LNPEP: variants seen among roughly 807,000 people sequenced by gnomAD.
The protein encoded by LNPEP is leucyl-cystinyl aminopeptidase.
In LNPEP, 64 loss-of-function variants were observed where a neutral mutation model predicts 120.6. The ratio of observed to expected loss-of-function variants is 0.53; its 90% CI spans 0.43 to 0.65. LNPEP has a LOEUF of 0.65. Ranked by LOEUF, LNPEP falls within the 30% of genes least tolerant of loss-of-function variation. The pLI is 0.00. For missense variants in LNPEP, 1,057 were observed against 1,200.0 expected (o/e 0.88, Z 1.76); for synonymous variants, 435 against 425.4 (o/e 1.02, Z -0.28).
intron 1 of LNPEP, among the ~76,000 whole-genome samples, chr5:96,975,849 T>C (rs1383533733): frequency 6.6e-6 from 1 of 152,130 alleles, no homozygotes; most frequent in Non-Finnish European, 1.5e-5. Context: ...ACAAACAACA[T>C]TGAGGAATGC....
chr5:97,017,291 C>T (rs1208763128), intron 13 of LNPEP, among the ~76,000 whole-genome samples: 1 of 151,438 alleles, frequency 6.6e-6, no homozygotes, highest in East Asian at 1.9e-4. Flanking sequence ...TGTAAAATGC[C>T]CATCTTTTGC....
chr5:97,027,042 A>G (rs1235240054), intron 16 of LNPEP, among the ~76,000 whole-genome samples: 1 of 152,152 alleles, frequency 6.6e-6, no homozygotes, highest in Non-Finnish European at 1.5e-5. Flanking sequence ...GCAACCATTT[A>G]GCTATGCATA....
chr5:97,019,955 ATCG>A (rs1274058080), intron 13 of LNPEP, among the ~76,000 whole-genome samples: 1 of 152,198 alleles, frequency 6.6e-6, no homozygotes, highest in Non-Finnish European at 1.5e-5. Context: ...CGTTCCTTGC[ATCG>A]TCAGCGTAGC....
intron 1 of LNPEP, among the ~76,000 whole-genome samples, chr5:96,947,116 TG>T (rs1789202742): frequency 6.6e-6 from 1 of 152,228 alleles, no homozygotes; most frequent in Admixed American, 6.5e-5. Context: ...TTTGCAGCTA[TG>T]CAGATTTGCT....
intron 4 of LNPEP, 47 bp downstream of exon 4, chr5:96,986,717 C>T (rs1284037897): frequency 1.3e-6 from 2 of 1,569,124 alleles, no homozygotes; most frequent in African/African-American, 1.4e-5. Flanking sequence ...ACAAGAGGCT[C>T]AGAGGACCTC....
chr5:96,942,136 T>C (rs946494451), intron 1 of LNPEP, among the ~76,000 whole-genome samples: 1 of 152,160 alleles, frequency 6.6e-6, no homozygotes, highest in African/African-American at 2.4e-5. Context: ...TACTGTCTTT[T>C]TTATAGTCAG....
At chr5:96,952,252 C>T (rs1789341620) in intron 1 of LNPEP, among the ~76,000 whole-genome samples, 1 of 152,076 alleles carries the variant, frequency 6.6e-6, no homozygotes, top group Admixed American at 6.6e-5. Flanking sequence ...ACTGGATTTT[C>T]AGATTTGCTT....
At chr5:97,018,249 C>T (rs1400915650) in intron 13 of LNPEP, among the ~76,000 whole-genome samples, 2 of 152,020 alleles carry the variant, frequency 1.3e-5, no homozygotes, top group African/African-American at 4.8e-5. Context: ...CAGAATATCT[C>T]CCGACTCTGA....
chr5:96,967,321 T>C (rs562278532), intron 1 of LNPEP, among the ~76,000 whole-genome samples: 3 of 152,156 alleles, frequency 2.0e-5, no homozygotes, highest in Non-Finnish European at 4.4e-5. Flanking sequence ...TATTTTTTTT[T>C]TTTGGTAGAA....
intron 1 of LNPEP, among the ~76,000 whole-genome samples, chr5:96,949,926 C>G (rs1283280177): frequency 1.3e-5 from 2 of 152,176 alleles, no homozygotes; most frequent in Non-Finnish European, 2.9e-5. Context: ...CTCCTTCCCT[C>G]CCTCCCTCCT....
chr5:97,003,717 AT>A (rs1218586516), intron 9 of LNPEP, among the ~76,000 whole-genome samples, 171 bp downstream of exon 9: 7 of 151,926 alleles, frequency 4.6e-5, no homozygotes, highest in Middle Eastern at 3.4e-3. Context: ...ACTAAATTTT[AT>A]GTCAAGAAAT....
At chr5:96,942,779 C>G (rs935802611) in intron 1 of LNPEP, 1 of 151,686 alleles carries the variant, frequency 6.6e-6, no homozygotes, top group Non-Finnish European at 1.5e-5. Flanking sequence ...GTGTAAATGA[C>G]GACTTAATTG....
Position 96,954,598 on chromosome 5 carries a change from G to GTCTC in LNPEP, c.19+18442_19+18445dup, listed in dbSNP as rs66769873. 2.5e-3 allele frequency among the ~76,000 whole-genome samples: 261 copies of GTCTC among 106,390 alleles called. 31 individuals are homozygous for GTCTC. The highest frequency in any genetic ancestry group is 0.017 in the Middle Eastern group (4 of 234). The allele number at this position is 106,390 out of a possible 152,430, so 69.8% of individuals were successfully genotyped here. Reference sequence around the variant, plus strand: ...TTCCTCATTCTTCTCATTCTTGCAAGTCTCTCTCTCTCTCTCTCTCTATAT... The same window carrying GTCTC: ...TTCCTCATTCTTCTCATTCTTGCAAGTCTCTCTCTCTCTCTCTCTCTCTCTATAT... On this transcript the variant is annotated intron_variant, in intron 1 of 17. Transcript: ENST00000231368.
intron 14 of LNPEP, 94 bp downstream of exon 14, chr5:97,022,578 G>A: frequency 2.0e-6 from 2 of 1,016,996 alleles, no homozygotes; most frequent in South Asian, 2.9e-5. Context: ...GATCATAAAT[G>A]TTATAAAACT....
chr5:96,959,421 T>C (rs1561431979), intron 1 of LNPEP, among the ~76,000 whole-genome samples: 1 of 152,208 alleles, frequency 6.6e-6, no homozygotes, highest in Non-Finnish European at 1.5e-5. Flanking sequence ...TATTTTGTTG[T>C]AGTCTTTTGT....
intron 1 of LNPEP, among the ~76,000 whole-genome samples, chr5:96,961,957 A>T (rs1467674364): frequency 6.6e-6 from 1 of 152,230 alleles, no homozygotes; most frequent in Non-Finnish European, 1.5e-5. Context: ...GTAGTAATAC[A>T]GTAAATTTAG....
intron 14 of LNPEP, among the ~76,000 whole-genome samples, chr5:97,024,044 TGAA>T (rs1385066240): frequency 6.6e-6 from 1 of 152,186 alleles, no homozygotes; most frequent in African/African-American, 2.4e-5. Context: ...AAGCATCAGA[TGAA>T]GAGTTGGGGT....
rs1403304674 is a variant in LNPEP, at chr5:97,034,090, G to A, written c.*5557G>A. The A allele has an allele frequency of 6.6e-6, 1 of 152,146 alleles. No homozygotes were observed. Among genetic ancestry groups the A allele is most frequent in the Non-Finnish European group, 1.5e-5 (1 of 68,024 alleles). 9.4% of individuals were successfully genotyped at this position (152,146 alleles called of 1,614,324 possible). On this transcript the variant is annotated 3_prime_UTR_variant, in exon 18 of 18. Coordinates refer to ENST00000231368, the MANE Select transcript of LNPEP (RefSeq NM_005575.3). ...CCTAATGAAACGTGGAGGTCCGGAT[G>A]TATGAAAATCTCCTCTTTTCCCCTT...
At chr5:96,992,929 G>A in intron 4 of LNPEP, 86 bp from the exon 5 acceptor site, 1 of 926,192 alleles carries the variant, frequency 1.1e-6, no homozygotes, top group Non-Finnish European at 1.6e-6. Flanking sequence ...AGAATTTTCA[G>A]ATATGCTAGT....
Sources: gnomAD v4.1 joint callset for allele counts (sites outside exome capture counted in the v4.1 genomes callset) on GRCh38, gnomAD v4.1.1 for gene constraint, MANE v1.5 for transcripts, NCBI Gene and HGNC (gene_info 2026-07-23, HGNC 2026-07-21) for gene names.